Variants in MAPT observed in about 807,000 individuals in gnomAD.
MAPT encodes the protein microtubule-associated protein tau.
A neutral mutation model predicts 67.9 loss-of-function variants in MAPT; 34 were observed. The observed-to-expected ratio is 0.50, with a 90% CI of 0.38 to 0.67. The LOEUF is 0.67. Ranked by LOEUF, MAPT falls within the 30% of genes least tolerant of loss-of-function variation. The pLI is 0.00. For synonymous variants in MAPT, 456 were observed against 464.5 expected, an observed-to-expected ratio of 0.98 and a Z score of 0.23; for missense variants, 881 against 1,115.2, an observed-to-expected ratio of 0.79 and a Z score of 2.99.
intron 1 of MAPT, among the ~76,000 whole-genome samples, chr17:45,924,818 T>C (rs547360671): frequency 6.6e-6 from 1 of 152,350 alleles, no homozygotes; most frequent in South Asian, 2.1e-4. Context: ...GCGCAGTTGC[T>C]TTCTTAGGTA....
At chr17:45,954,324 A>G in intron 1 of MAPT, among the ~76,000 whole-genome samples, 1 of 152,218 alleles carries the variant, frequency 6.6e-6, no homozygotes, top group Non-Finnish European at 1.5e-5. Context: ...AATATTTACT[A>G]TCTGGCCCTT....
chr17:45,978,267 T>C, intron 3 of MAPT, 108 bp from the exon 4 acceptor site: 1 of 882,416 alleles, frequency 1.1e-6, no homozygotes, highest in Non-Finnish European at 1.9e-6. Context: ...GGGATGTGAC[T>C]TTCCTGAATG....
intron 11 of MAPT, among the ~76,000 whole-genome samples, chr17:46,016,386 G>A (rs1245079357): frequency 5.0e-5 from 7 of 140,584 alleles, no homozygotes; most frequent in Non-Finnish European, 1.1e-4. Context: ...GTGAGACTCC[G>A]TCTCAAAAAA....
intron 1 of MAPT, among the ~76,000 whole-genome samples, chr17:45,946,598 T>TAAAAAAAA (rs763910082): frequency 4.9e-5 from 3 of 60,888 alleles, no homozygotes; most frequent in African/African-American, 1.6e-4. Context: ...GACTCTGTCT[T>TAAAAAAAA]AAAAAAAAAA....
At chr17:45,921,750 G>C (rs2065742679) in intron 1 of MAPT, among the ~76,000 whole-genome samples, 1 of 152,150 alleles carries the variant, frequency 6.6e-6, no homozygotes, top group South Asian at 2.1e-4. Context: ...TGTTTGTCTG[G>C]TTTAAACTCT....
At chr17:45,982,098 C>CAGATCACGAGGTCAGG (rs2073028142) in intron 4 of MAPT, among the ~76,000 whole-genome samples, 1 of 150,336 alleles carries the variant, frequency 6.7e-6, no homozygotes, top group Non-Finnish European at 1.5e-5. Context: ...CCGGGGTGGG[C>CAGATCACGAGGTCAGG]AGATCACGAG....
chr17:45,987,857 T>C (rs2145715919), intron 6 of MAPT, among the ~76,000 whole-genome samples: 1 of 152,278 alleles, frequency 6.6e-6, no homozygotes, highest in Non-Finnish European at 1.5e-5. Flanking sequence ...TCTGAAGTGA[T>C]AGTGACAGCT....
intron 6 of MAPT, among the ~76,000 whole-genome samples, chr17:45,988,406 C>G (rs562726325): frequency 1.3e-4 from 20 of 152,294 alleles, no homozygotes; most frequent in African/African-American, 4.8e-4. Flanking sequence ...CCAAACACCC[C>G]CTTCTCCTCC....
At chr17:45,904,106 TTATATATATTATATATTA>T (rs1964521913) in intron 1 of MAPT, among the ~76,000 whole-genome samples, 1 of 27,466 alleles carries the variant, frequency 3.6e-5, no homozygotes, top group South Asian at 9.7e-4. Flanking sequence ...TTATATATAT[TTATATATATTATATATTA>T]TATATTATAT....
intron 1 of MAPT, among the ~76,000 whole-genome samples, chr17:45,953,892 T>C (rs972371842): frequency 1.3e-5 from 2 of 152,142 alleles, no homozygotes; most frequent in African/African-American, 4.8e-5. Context: ...TTGGAACCCA[T>C]GGAAACCTCT....
intron 1 of MAPT, among the ~76,000 whole-genome samples, chr17:45,928,049 C>T (rs1446347855): frequency 6.8e-6 from 1 of 146,440 alleles, no homozygotes; most frequent in Non-Finnish European, 1.5e-5. Context: ...ACTTTGGCAA[C>T]TCCATCTCCT....
rs2072603923 is a variant in MAPT at position 45,978,412 on chromosome 17, A to C, written c.258A>C (p.Glu86Asp). 6 of 1,612,042 alleles carry C rather than the reference A, an allele frequency of 3.7e-6. No homozygotes were observed. The highest frequency in any genetic ancestry group is 5.1e-6 in the Non-Finnish European group (6 of 1,178,992). Residue 86 changes from glutamate to aspartate, a missense_variant, in exon 4 of 13, where the codon GAA (glutamate) becomes GAC (aspartate). Physicochemically the swap from Glu to Asp is conservative, Grantham distance 45 (BLOSUM62 2). Transcript: ENST00000262410. ...GCATTGGAGACACCCCCAGCCTGGA[A>C]GACGAAGCTGCTGGTCACGTGACCC... is the stretch of plus-strand genomic sequence containing the variant. ...EAGIGDTPSL[E>D]DEAAGHVTQE...
chr17:45,955,424 C>T (rs867084064), intron 1 of MAPT, among the ~76,000 whole-genome samples: 7 of 152,356 alleles, frequency 4.6e-5, no homozygotes, highest in Middle Eastern at 3.4e-3. Flanking sequence ...CTCTACCCAT[C>T]CAATCGGCCC....
chr17:45,924,174 G>A (rs1011524826), intron 1 of MAPT, among the ~76,000 whole-genome samples: 5 of 149,392 alleles, frequency 3.3e-5, no homozygotes, highest in African/African-American at 1.2e-4. Flanking sequence ...ACGAAGAGGA[G>A]AGAAGGCAGC....
At chr17:45,932,953 A>G (rs2066978171) in intron 1 of MAPT, among the ~76,000 whole-genome samples, 1 of 151,438 alleles carries the variant, frequency 6.6e-6, no homozygotes, top group South Asian at 2.1e-4. Context: ...ACGGTGGTAC[A>G]CGCCTGTAAT....
intron 3 of MAPT, among the ~76,000 whole-genome samples, chr17:45,972,485 A>G (rs1347216313): frequency 6.6e-6 from 1 of 152,178 alleles, no homozygotes; most frequent in Admixed American, 6.5e-5. Context: ...CATGCTCCTC[A>G]GTCCTGATTT....
chr17:46,028,330 T>C lies in MAPT; in HGVS notation c.*4159T>C, dbSNP rs995546393. 2 of 152,618 alleles carry C rather than the reference T, an allele frequency of 1.3e-5. No individual in the cohort carries two copies. Among genetic ancestry groups the C allele is most frequent in the African/African-American group, 4.8e-5 (2 of 41,440 alleles). 9.5% of individuals were successfully genotyped at this position (152,618 alleles called of 1,614,324 possible). A position where few individuals can be genotyped will look rare whatever the true frequency, so the allele number is the denominator to read the frequency against. ...TTTGGAAATAAAGTTATTACTCTGA[T>C]TAAATAAGGTCTCCATTCATGGATT... On this transcript the variant is annotated 3_prime_UTR_variant, in exon 13 of 13. Coordinates refer to ENST00000262410, the MANE Select transcript of MAPT (RefSeq NM_001377265.1).
chr17:45,926,956 TGTATATATATAC>T (rs2066382814), intron 1 of MAPT, among the ~76,000 whole-genome samples: 1 of 108,114 alleles, frequency 9.2e-6, no homozygotes, highest in Non-Finnish European at 2.6e-5. Flanking sequence ...TACATATATG[TGTATATATATAC>T]ATATATGTGT....
In MAPT at chr17:46,024,136, G is replaced by A. The variant is rs769851761; in HGVS notation, c.2467G>A (p.Glu823Lys). 17 of 1,614,152 alleles carry A rather than the reference G, an allele frequency of 1.1e-5. No homozygotes were observed. The highest frequency in any genetic ancestry group is 1.7e-5 in the Admixed American group (1 of 60,032). The change falls in exon 13 of 13, where the codon GAG becomes AAG. Residue 823 changes from glutamate (E) to lysine (K), a missense_variant. By Grantham distance (56) the Glu-to-Lys change is moderately conservative (BLOSUM62 1). Coordinates refer to ENST00000262410, the MANE Select transcript of MAPT (RefSeq NM_001377265.1). ...DSPQLATLAD[E>K]VSASLAKQGL ...GCCCCAGCTCGCCACGCTAGCTGAC[G>A]AGGTGTCTGCCTCCCTGGCCAAGCA...
Sources: allele counts gnomAD v4.1 joint callset (sites outside exome capture counted in the v4.1 genomes callset), GRCh38; gene constraint gnomAD v4.1.1; transcripts MANE v1.5; gene names NCBI Gene and HGNC (gene_info 2026-07-23, HGNC 2026-07-21).